ZNF420: variants seen among roughly 807,000 people sequenced by gnomAD.
ZNF420 encodes zinc finger protein 420, also known as ATM and p53-associated KZNF protein.
A neutral mutation model predicts 44.7 loss-of-function variants in ZNF420; 31 were observed. The observed-to-expected ratio is 0.69, with a 90% CI of 0.52 to 0.94. The LOEUF (loss-of-function observed/expected upper bound fraction) is 0.94, where lower values mean the gene tolerates loss of function less well. Ranked by LOEUF, ZNF420 falls within the 40% of genes least tolerant of loss-of-function variation. The probability of loss-of-function intolerance (pLI) is 0.00; values close to 1 mark genes in which losing one functional copy is unlikely to be tolerated. For missense variants in ZNF420, 681 were observed against 827.9 expected, an observed-to-expected ratio of 0.82 and a Z score of 2.18; for synonymous variants, 245 against 267.4, an observed-to-expected ratio of 0.92 and a Z score of 0.82.
At position 37,130,060 on chromosome 19, in the gene ZNF420, A is replaced by T; in HGVS notation, c.*1002A>T. Reference sequence around the variant, plus strand: ...AGCCTTCCTTGCAGGTCAACAAGATAGAAGTGATATTTATATGAGTAGGAG... The same window carrying T: ...AGCCTTCCTTGCAGGTCAACAAGATTGAAGTGATATTTATATGAGTAGGAG... On this transcript the variant is annotated 3_prime_UTR_variant, in exon 5 of 5. Coordinates refer to ENST00000337995, the MANE Select transcript of ZNF420 (RefSeq NM_144689.5). The T allele has an allele frequency of 6.5e-7, 1 of 1,549,484 alleles. No individual in the cohort carries two copies. Among genetic ancestry groups the T allele is most frequent in the South Asian group, 1.2e-5 (1 of 83,822 alleles).
intron 1 of ZNF420, among the ~76,000 whole-genome samples, chr19:37,020,260 C>T (rs565525216): frequency 6.6e-6 from 1 of 151,418 alleles, no homozygotes; most frequent in South Asian, 2.1e-4. Flanking sequence ...TTAAAAACTG[C>T]CTAAATCCAG....
Position 37,128,722 on chromosome 19 carries a change from T to G in ZNF420, c.1731T>G (p.His577Gln). ...AFIRGSQLTQ[H>Q]QRIHTGEKPY... is the part of the protein sequence containing the mutation. ...TTCGTGGTTCACAGTTGACTCAACATCAGCGAATTCACACTGGAGAAAAAC... is the reference window on the plus strand; with the variant it reads ...TTCGTGGTTCACAGTTGACTCAACAGCAGCGAATTCACACTGGAGAAAAAC... Residue 577 changes from histidine to glutamine, a missense_variant, in exon 5 of 5, where the codon CAT becomes CAG. Physicochemically the swap from His to Gln is conservative, Grantham distance 24. Around this residue, in one of 3 missense-constraint regions of ZNF420, gnomAD observed 280 missense variants for 338.6 expected, o/e 0.83. Coordinates refer to ENST00000337995, the MANE Select transcript of ZNF420 (RefSeq NM_144689.5). 6.2e-7 allele frequency: 1 copy of G among 1,613,842 alleles called. No homozygotes were observed. Among genetic ancestry groups the G allele is most frequent in the Non-Finnish European group, 8.5e-7 (1 of 1,179,952 alleles).
At chr19:37,089,287 G>A (rs905687441) in intron 3 of ZNF420, among the ~76,000 whole-genome samples, 160 bp downstream of exon 3, 1 of 152,120 alleles carries the variant, frequency 6.6e-6, no homozygotes, top group Non-Finnish European at 1.5e-5. Flanking sequence ...TTCCCTAAGT[G>A]TGTCTTTCGA....
At chr19:37,086,727 T>C (rs1968809444) in intron 2 of ZNF420, among the ~76,000 whole-genome samples, 1 of 152,224 alleles carries the variant, frequency 6.6e-6, no homozygotes, top group South Asian at 2.1e-4. Flanking sequence ...ATTGCTAGTA[T>C]TTCTCTTTAT....
intron 1 of ZNF420, among the ~76,000 whole-genome samples, chr19:37,037,157 G>A (rs530507311): frequency 6.6e-6 from 1 of 152,194 alleles, no homozygotes; most frequent in Non-Finnish European, 1.5e-5. Context: ...AGCAGTTTGC[G>A]CTTTGAAATA....
At chr19:37,008,001 G>T in exon 1 of ZNF420, 1 of 199,818 alleles carries the variant, frequency 5.0e-6, no homozygotes, top group South Asian at 7.5e-5. Flanking sequence ...GCAGAGGGCA[G>T]AGCAGGATGA....
At chr19:37,098,157 G>C (rs1969566170) in intron 4 of ZNF420, among the ~76,000 whole-genome samples, 1 of 151,988 alleles carries the variant, frequency 6.6e-6, no homozygotes, top group South Asian at 2.1e-4. Context: ...TTGCCACATT[G>C]CCCAGACTAG....
chr19:37,068,005 A>G (rs553976630), intron 1 of ZNF420, among the ~76,000 whole-genome samples: 40 of 150,930 alleles, frequency 2.7e-4, no homozygotes, highest in African/African-American at 5.8e-4. Context: ...GTGTGTGTGT[A>G]TATATATATA....
chr19:37,123,686 C>T (rs573286357), intron 4 of ZNF420, among the ~76,000 whole-genome samples: 1 of 145,038 alleles, frequency 6.9e-6, no homozygotes, highest in African/African-American at 2.6e-5. Context: ...TCACTGCAAC[C>T]TCCACCTCCT....
At chr19:37,083,376 C>G (rs921047702) in intron 2 of ZNF420, among the ~76,000 whole-genome samples, 10 of 152,060 alleles carry the variant, frequency 6.6e-5, no homozygotes, top group Non-Finnish European at 1.3e-4. Context: ...ATAAAGGGAG[C>G]CATCCTTTCT....
intron 1 of ZNF420, among the ~76,000 whole-genome samples, chr19:37,054,237 T>G (rs1225715324): frequency 1.3e-5 from 2 of 152,176 alleles, no homozygotes; most frequent in African/African-American, 4.8e-5. Flanking sequence ...AGTGATCTGA[T>G]TTTCCAGGTG....
intron 2 of ZNF420, among the ~76,000 whole-genome samples, chr19:37,083,169 T>C (rs1968560998): frequency 7.7e-6 from 1 of 129,818 alleles, no homozygotes; most frequent in South Asian, 2.3e-4. Flanking sequence ...CCGTTTTTGC[T>C]TTTTTTTTTT....
intron 1 of ZNF420, among the ~76,000 whole-genome samples, chr19:37,012,766 C>A (rs28595575): frequency 4.2e-5 from 2 of 48,082 alleles, no homozygotes; most frequent in Admixed American, 1.8e-4. Context: ...CTATATGTCT[C>A]TGTGTGTGTG....
At chr19:37,011,303 A>G (rs1260875043) in intron 1 of ZNF420, among the ~76,000 whole-genome samples, 1 of 152,206 alleles carries the variant, frequency 6.6e-6, no homozygotes, top group East Asian at 1.9e-4. Flanking sequence ...TGTCTCAGAC[A>G]GGGAAGCTCC....
intron 4 of ZNF420, among the ~76,000 whole-genome samples, chr19:37,118,229 T>C (rs1276330797): frequency 6.6e-6 from 1 of 152,168 alleles, no homozygotes; most frequent in Non-Finnish European, 1.5e-5. Flanking sequence ...GAGAGAAAGG[T>C]CAGGTTACCC....
chr19:37,029,763 C>G (rs1423746514), intron 1 of ZNF420, among the ~76,000 whole-genome samples: 3 of 152,070 alleles, frequency 2.0e-5, no homozygotes, highest in Admixed American at 1.3e-4. Context: ...CCGCCTTGGC[C>G]TCCCAAAGTG....
intron 1 of ZNF420, among the ~76,000 whole-genome samples, chr19:37,042,521 A>C (rs1967473360): frequency 6.6e-6 from 1 of 152,236 alleles, no homozygotes; most frequent in Non-Finnish European, 1.5e-5. Context: ...TTATGAACCT[A>C]CTCAGTAATT....
chr19:37,059,685 C>T lies in ZNF420; in HGVS notation c.-124-20660C>T, dbSNP rs577705030. Reference sequence around the variant, plus strand: ...TCGAGGACAGGTCTGCCTGTGTGCTCGTGGGCCGCCCTCTCACCTGAGGGT... The same window carrying T: ...TCGAGGACAGGTCTGCCTGTGTGCTTGTGGGCCGCCCTCTCACCTGAGGGT... On this transcript the variant is annotated intron_variant, in intron 1 of 4. Transcript: ENST00000587029. 4.4e-4 allele frequency among the ~76,000 whole-genome samples: 67 copies of T among 152,292 alleles called. 1 individual carries two copies. The highest frequency in any genetic ancestry group is 3.1e-3 in the Admixed American group (47 of 15,304).
Position 37,130,163 on chromosome 19 carries a change from A to G in ZNF420, c.*1105A>G, listed in dbSNP as rs888810436. ...TCTAAGCTGGAGCTCCGTTACTCTCATGGGGACTTTGAGAATGGTATCTGG... is the reference window on the plus strand; with the variant it reads ...TCTAAGCTGGAGCTCCGTTACTCTCGTGGGGACTTTGAGAATGGTATCTGG... On this transcript the variant is annotated 3_prime_UTR_variant, in exon 5 of 5. Transcript: ENST00000337995. 6.5e-7 allele frequency: 1 copy of G among 1,550,358 alleles called. No homozygotes were observed. Among genetic ancestry groups the G allele is most frequent in the Non-Finnish European group, 8.7e-7 (1 of 1,146,912 alleles).
Sources: gnomAD v4.1 joint callset for allele counts (sites outside exome capture counted in the v4.1 genomes callset) on GRCh38, gnomAD v4.1.1 for gene constraint, gnomAD v4.1.1 regional missense constraint, MANE v1.5 for transcripts, NCBI Gene and HGNC (gene_info 2026-07-23, HGNC 2026-07-21) for gene names.